Variants in STMN4 observed in about 807,000 individuals in gnomAD.
STMN4 encodes stathmin 4.
Under a neutral mutation model 29.1 loss-of-function variants are expected in STMN4, and 12 were observed. The observed-to-expected ratio is 0.41, with a 90% CI of 0.26 to 0.67. The LOEUF is 0.67. Ranked by LOEUF, STMN4 falls within the 30% of genes least tolerant of loss-of-function variation. The pLI is 0.30. For synonymous variants in STMN4, 114 were observed against 105.3 expected (o/e 1.08, Z -0.51); for missense variants, 181 against 262.8 (o/e 0.69, Z 2.15).
intron 1 of STMN4, among the ~76,000 whole-genome samples, chr8:27,248,334 G>A (rs938999513): frequency 9.2e-5 from 14 of 152,166 alleles, no homozygotes; most frequent in African/African-American, 3.1e-4. Context: ...AGGTTACTAT[G>A]CAATTGAGGT....
chr8:27,239,262 C>G (rs1020112954), intron 6 of STMN4: 1 of 1,535,562 alleles, frequency 6.5e-7, no homozygotes, highest in African/African-American at 1.4e-5. Context: ...CCGGGAGTCA[C>G]CGCGCAGCAG....
At chr8:27,248,171 C>T (rs141600379) in intron 1 of STMN4, among the ~76,000 whole-genome samples, 1 of 152,200 alleles carries the variant, frequency 6.6e-6, no homozygotes, top group Admixed American at 6.5e-5. Flanking sequence ...AGCTGAGCCC[C>T]TGTGCTGGCA....
rs919386790 is a variant in STMN4, at chr8:27,239,122, C to A, written c.591+849G>T. The A allele has an allele frequency of 6.6e-6, 9 of 1,366,282 alleles. No homozygotes were observed. The African/African-American group carries it at 1.2e-4, about 18-fold the overall frequency. 84.6% of individuals were successfully genotyped at this position (1,366,282 alleles called of 1,614,324 possible). Reference sequence around the variant, plus strand: ...CTGGCCAGCTCCAGGGCCTACGCAACATTCAGACACCTTGTGAAGAAACCA... The same window carrying A: ...CTGGCCAGCTCCAGGGCCTACGCAAAATTCAGACACCTTGTGAAGAAACCA... On this transcript the variant is annotated intron_variant, in intron 6 of 6. Coordinates refer to ENST00000350889, the MANE Select transcript of STMN4 (RefSeq NM_030795.4).
intron 6 of STMN4, chr8:27,239,338 C>G: frequency 6.6e-7 from 1 of 1,526,354 alleles, no homozygotes; most frequent in South Asian, 1.2e-5. Flanking sequence ...ACTGGGGCGG[C>G]CTTGAGACTC....
chr8:27,243,063 G>C (rs927829227), intron 2 of STMN4, among the ~76,000 whole-genome samples: 1 of 152,124 alleles, frequency 6.6e-6, no homozygotes, highest in Non-Finnish European at 1.5e-5. Context: ...CCAAAAGCTG[G>C]AGCATATCCC....
At chr8:27,237,675 A>T (rs1801348951) in intron 6 of STMN4, among the ~76,000 whole-genome samples, 1 of 152,210 alleles carries the variant, frequency 6.6e-6, no homozygotes, top group African/African-American at 2.4e-5. Flanking sequence ...TAGTGCAGCC[A>T]AAAGATAGCA....
intron 1 of STMN4, among the ~76,000 whole-genome samples, chr8:27,244,595 C>T (rs942057990): frequency 3.9e-5 from 6 of 152,144 alleles, no homozygotes; most frequent in Non-Finnish European, 8.8e-5. Context: ...AGCACCTGAG[C>T]AGTGCCTTGA....
Position 27,241,756 on chromosome 8 carries a change from G to A in STMN4, c.111C>T (p.Gly37=). Residue 37 remains glycine (G), a splice_region_variant and synonymous_variant, in exon 4 of 7, where the codon GGC becomes GGT. Transcript: ENST00000350889. The stretch of plus-strand genomic sequence containing the variant: ...TCCTCCTACACTGTCTCCCACACCA[G>A]CCTAGACAGAAAAAACAACCTCAGG... ...PLNKSSYKYE[G]WCGRQCRRKD... is the part of the protein sequence containing the mutation. The A allele has an allele frequency of 1.9e-6, 3 of 1,614,150 alleles. No individual in the cohort carries two copies. In the South Asian group the frequency reaches 3.3e-5, roughly 18 times the overall value.
chr8:27,243,897 G>T, intron 1 of STMN4, 96 bp from the exon 2 acceptor site: 1 of 1,150,904 alleles, frequency 8.7e-7, no homozygotes, highest in Non-Finnish European at 1.3e-6. Context: ...AATCTCAGGG[G>T]TACCTCATTT....
intron 4 of STMN4, 56 bp downstream of exon 4, chr8:27,241,621 G>C (rs1161422706): frequency 2.0e-4 from 302 of 1,495,818 alleles, no homozygotes; most frequent in Non-Finnish European, 2.5e-4. Flanking sequence ...GCCCACCCCC[G>C]GCCACAGCCC....
At chr8:27,254,490 C>A (rs1382243226) in intron 1 of STMN4, among the ~76,000 whole-genome samples, 4 of 152,238 alleles carry the variant, frequency 2.6e-5, no homozygotes, top group African/African-American at 4.8e-5. Context: ...CCTCCACCCG[C>A]CTCTGACAGC....
chr8:27,251,105 A>C (rs776950557), intron 1 of STMN4, among the ~76,000 whole-genome samples: 11 of 151,952 alleles, frequency 7.2e-5, no homozygotes, highest in Non-Finnish European at 1.5e-4. Flanking sequence ...AAATTAGCCC[A>C]GCGTGGTGGT....
intron 1 of STMN4, among the ~76,000 whole-genome samples, chr8:27,251,605 A>C (rs1563421400): frequency 1.3e-5 from 2 of 152,078 alleles, no homozygotes; most frequent in Admixed American, 6.6e-5. Flanking sequence ...TTACAAACAT[A>C]TTCACATTAT....
At chr8:27,251,121 C>T (rs1688731531) in intron 1 of STMN4, among the ~76,000 whole-genome samples, 1 of 151,942 alleles carries the variant, frequency 6.6e-6, no homozygotes. Flanking sequence ...GTGGTGCATG[C>T]CTGTAGTCTC....
rs758193010 is a variant in STMN4, at chr8:27,241,255, C to G, written c.198G>C (p.Thr66=). The G allele has an allele frequency of 7.4e-6, 12 of 1,614,154 alleles. No individual in the cohort carries two copies. Among genetic ancestry groups the G allele is most frequent in the Non-Finnish European group, 1.0e-5 (12 of 1,180,024 alleles). The stretch of plus-strand genomic sequence containing the variant: ...AAATGACGCACCAATTCAGGTCCAC[C>G]GTGTCTGCTACAGAGGGCAGAGAAG... ...DWRERRAQAD[T]VDLNWCVISD... is the part of the protein sequence containing the mutation. Residue 66 remains threonine, a synonymous_variant, in exon 5 of 7, where the codon ACG becomes ACC. Transcript: ENST00000350889.
intron 2 of STMN4, 84 bp downstream of exon 2, chr8:27,243,627 G>T: frequency 1.4e-6 from 2 of 1,455,948 alleles, no homozygotes; most frequent in Non-Finnish European, 1.9e-6. Flanking sequence ...TGCCAGCTGT[G>T]TTCTTCCCTG....
chr8:27,243,945 G>A (rs1172391707), intron 1 of STMN4, 144 bp from the exon 2 acceptor site: 12 of 697,364 alleles, frequency 1.7e-5, no homozygotes, highest in Non-Finnish European at 2.9e-5. Flanking sequence ...AACTCTCCCT[G>A]GGGGTCCCCT....
intron 2 of STMN4, among the ~76,000 whole-genome samples, chr8:27,243,218 T>C (rs542081252): frequency 6.6e-6 from 1 of 152,174 alleles, no homozygotes; most frequent in East Asian, 1.9e-4. Context: ...ACAGCGCAGG[T>C]GTTGCCCCCA....
intron 1 of STMN4, among the ~76,000 whole-genome samples, chr8:27,245,507 A>G (rs17366947): frequency 0.31 from 47,607 of 152,188 alleles, 8,233 homozygotes; most frequent in Non-Finnish European, 0.4. Flanking sequence ...TTGCAGCACA[A>G]TGGGTCTTCT....
Sources: gnomAD v4.1 joint callset for allele counts (sites outside exome capture counted in the v4.1 genomes callset) on GRCh38, gnomAD v4.1.1 for gene constraint, MANE v1.5 for transcripts, NCBI Gene and HGNC (gene_info 2026-07-23, HGNC 2026-07-21) for gene names.